The following TSC1 variants were observed in gnomAD, a reference collection of about 807,000 sequenced individuals.
The protein encoded by TSC1 is TSC complex subunit 1, also known as hamartin.
Under a neutral mutation model 124.3 loss-of-function variants are expected in TSC1, and 20 were observed. The observed-to-expected ratio is 0.16, with a 90% CI of 0.11 to 0.23. The LOEUF is 0.23. Ranked by LOEUF, TSC1 falls within the 10% of genes least tolerant of loss-of-function variation. The pLI is 1.00. For synonymous variants in TSC1, 493 were observed against 539.1 expected, an observed-to-expected ratio of 0.91 and a Z score of 1.19; for missense variants, 1,124 against 1,448.5, an observed-to-expected ratio of 0.78 and a Z score of 3.64.
At chr9:132,897,869 T>C (rs1453670446) in intron 20 of TSC1, among the ~76,000 whole-genome samples, 1 of 152,202 alleles carries the variant, frequency 6.6e-6, no homozygotes, top group African/African-American at 2.4e-5. Flanking sequence ...AGCATATTTA[T>C]AAGAGCAAAA....
At chr9:132,917,839 A>C (rs1197311018) in intron 8 of TSC1, among the ~76,000 whole-genome samples, 4 of 152,092 alleles carry the variant, frequency 2.6e-5, no homozygotes, top group Non-Finnish European at 5.9e-5. Context: ...TTAGTCTCAA[A>C]ATGGTCTTTT....
upstream of TSC1, chr9:132,944,742 G>A (rs915812354): frequency 5.0e-6 from 2 of 397,422 alleles, no homozygotes; most frequent in African/African-American, 2.1e-5. Context: ...AGCCCCGCCG[G>A]AAGGAAGAGG....
At position 132,901,670 on chromosome 9, in the gene TSC1, A is replaced by G. The variant is rs754248661; in HGVS notation, c.2421T>C (p.Ile807=). 9 of 1,614,082 alleles carry G rather than the reference A, an allele frequency of 5.6e-6. No homozygotes were observed. Among genetic ancestry groups the G allele is most frequent in the Non-Finnish European group, 7.6e-6 (9 of 1,180,020 alleles). The stretch of plus-strand genomic sequence containing the variant: ...TCTTCAGTTCTATCCGCAGCTCCGC[A>G]ATCATGTTCCTGCAGTCCTCCAGCT... ...QTKLEDCRNM[I]AELRIELKKA... is the part of the protein sequence containing the mutation. The change falls in exon 19 of 23, where the codon ATT becomes ATC. Residue 807 remains isoleucine (I), a synonymous_variant. Transcript: ENST00000298552.
intron 8 of TSC1, 110 bp from the exon 9 acceptor site, chr9:132,912,567 G>T: frequency 1.6e-6 from 2 of 1,281,936 alleles, no homozygotes; most frequent in Non-Finnish European, 2.2e-6. Context: ...AAGAACAAGC[G>T]GGACCATGCC....
intron 2 of TSC1, among the ~76,000 whole-genome samples, chr9:132,932,803 C>T (rs904255044): frequency 2.0e-5 from 3 of 152,292 alleles, no homozygotes; most frequent in African/African-American, 4.8e-5. Context: ...GCACAGCTGA[C>T]GGTCTCGCAG....
Position 132,927,272 on chromosome 9 carries a change from C to T in TSC1, c.139G>A (p.Asp47Asn), listed in dbSNP as rs2132269163. 1 of 1,613,986 alleles carries T rather than the reference C, an allele frequency of 6.2e-7. No individual in the cohort carries two copies. The highest frequency in any genetic ancestry group is 8.5e-7 in the Non-Finnish European group (1 of 1,179,924). ...TGAGAGCTGGTTTCCAGGTAATAAT[C>T]CACCAAGGTGTTTACAAGCATAGGG... ...RGPMLVNTLV[D>N]YYLETSSQPA... Residue 47 changes from aspartate (D) to asparagine (N), a missense_variant, in exon 4 of 23, where the codon GAT (aspartate) becomes AAT (asparagine). Asp to Asn is a conservative substitution (Grantham distance 23). Coordinates refer to ENST00000298552, the MANE Select transcript of TSC1 (RefSeq NM_000368.5).
At chr9:132,908,152 TTATTA>T (rs1363452234) in intron 12 of TSC1, among the ~76,000 whole-genome samples, 3 of 152,134 alleles carry the variant, frequency 2.0e-5, no homozygotes, top group African/African-American at 7.2e-5. Flanking sequence ...CGAGGCATAA[TTATTA>T]TATTAGAAAA....
chr9:132,892,377 T>C lies in TSC1; in HGVS notation c.*3858A>G. On this transcript the variant is annotated 3_prime_UTR_variant, in exon 23 of 23. Coordinates refer to ENST00000298552, the MANE Select transcript of TSC1 (RefSeq NM_000368.5). Reference sequence around the variant, plus strand: ...GATACACAAACATCTTCAGACTGGATACATTTTTCCAATACTTGTTGCGGG... The same window carrying C: ...GATACACAAACATCTTCAGACTGGACACATTTTTCCAATACTTGTTGCGGG... 4.3e-6 allele frequency: 1 copy of C among 233,402 alleles called. No homozygotes were observed. The highest frequency in any genetic ancestry group is 8.5e-6 in the Non-Finnish European group (1 of 118,106). 14.5% of individuals were successfully genotyped at this position (233,402 alleles called of 1,614,324 possible).
intron 2 of TSC1, among the ~76,000 whole-genome samples, chr9:132,930,834 A>G (rs1847162951): frequency 6.6e-6 from 1 of 152,320 alleles, no homozygotes; most frequent in South Asian, 2.1e-4. Context: ...TTGCTGACTC[A>G]TATCTATAAA....
chr9:132,930,982 C>T (rs1346157397), intron 2 of TSC1, among the ~76,000 whole-genome samples: 1 of 152,144 alleles, frequency 6.6e-6, no homozygotes, highest in Admixed American at 6.5e-5. Flanking sequence ...TATAAACACT[C>T]GCTGCATAGT....
chr9:132,924,603 A>T (rs963239646), intron 5 of TSC1, among the ~76,000 whole-genome samples: 2 of 152,222 alleles, frequency 1.3e-5, no homozygotes, highest in African/African-American at 4.8e-5. Context: ...TTATATTCTC[A>T]TCAATCCATT....
At chr9:132,908,215 T>G (rs1845768000) in intron 12 of TSC1, among the ~76,000 whole-genome samples, 1 of 152,214 alleles carries the variant, frequency 6.6e-6, no homozygotes, top group Admixed American at 6.5e-5. Flanking sequence ...GCAAGCCCAT[T>G]ACAAGTTAAT....
intron 1 of TSC1, chr9:132,943,448 G>A (rs1351945742): frequency 6.6e-6 from 1 of 152,168 alleles, no homozygotes; most frequent in Non-Finnish European, 1.5e-5. Context: ...TTGGCTAAAT[G>A]ATAAATTTTA....
Position 132,896,183 on chromosome 9 carries a change from C to T in TSC1, c.*52G>A. Reference sequence around the variant, plus strand: ...AAAGCTTTGAAACGTGCATTCACACCTCCTGTTCTGTGCCAACAATATGCA... The same window carrying T: ...AAAGCTTTGAAACGTGCATTCACACTTCCTGTTCTGTGCCAACAATATGCA... On this transcript the variant is annotated 3_prime_UTR_variant, in exon 23 of 23. Coordinates refer to ENST00000298552, the MANE Select transcript of TSC1 (RefSeq NM_000368.5). The surrounding 1 kb of genome is among the most constrained non-coding windows in gnomAD (Gnocchi z 4.5). The T allele has an allele frequency of 6.2e-7, 1 of 1,612,572 alleles. No individual in the cohort carries two copies. Among genetic ancestry groups the T allele is most frequent in the Non-Finnish European group, 8.5e-7 (1 of 1,179,124 alleles).
At chr9:132,898,535 C>T (rs1397594756) in intron 20 of TSC1, among the ~76,000 whole-genome samples, 1 of 152,242 alleles carries the variant, frequency 6.6e-6, no homozygotes, top group East Asian at 1.9e-4. Context: ...TAGAACGCAA[C>T]TGATTGAAAC....
chr9:132,945,021 G>A (rs895433371), upstream of TSC1, among the ~76,000 whole-genome samples: 1 of 152,114 alleles, frequency 6.6e-6, no homozygotes, highest in Non-Finnish European at 1.5e-5. Flanking sequence ...TGTGGTTGGA[G>A]CGCCCTGCCC....
chr9:132,892,839 A>G lies in TSC1; in HGVS notation c.*3396T>C, dbSNP rs890867761. 1.3e-5 allele frequency: 3 copies of G among 233,176 alleles called. No homozygotes were observed. The highest frequency in any genetic ancestry group is 6.6e-5 in the African/African-American group (3 of 45,348). 14.4% of individuals were successfully genotyped at this position (233,176 alleles called of 1,614,324 possible). On this transcript the variant is annotated 3_prime_UTR_variant, in exon 23 of 23. Coordinates refer to ENST00000298552, the MANE Select transcript of TSC1 (RefSeq NM_000368.5). ...TGAGTCTGAGCCTCTGTGGTCTCAG[A>G]GATCCTTTCATCCCCATGACCATTT...
rs1844912307 is a variant in TSC1, at chr9:132,894,246, C to T, written c.*1989G>A. The T allele has an allele frequency of 4.3e-6, 1 of 232,190 alleles. No homozygotes were observed. Among genetic ancestry groups the T allele is most frequent in the Non-Finnish European group, 8.5e-6 (1 of 117,310 alleles). The allele number at this position is 232,190 out of a possible 1,614,324, so 14.4% of individuals were successfully genotyped here. ...AAATGTTTTTTCTTTTGCACTTGGG[C>T]CTCTTTTCCTTTCCAATTCAGGAAA... On this transcript the variant is annotated 3_prime_UTR_variant, in exon 23 of 23. Transcript: ENST00000298552.
In TSC1 at chr9:132,905,639, C is replaced by T. The variant is rs1171512070; in HGVS notation, c.1939G>A (p.Glu647Lys). The change falls in exon 15 of 23, where the codon GAA (glutamate) becomes AAA (lysine). Residue 647 changes from glutamate (E) to lysine (K), a missense_variant. This residue lies in a region of TSC1 where 321 missense variants were observed against 397.4 expected (regional missense o/e 0.81). Transcript: ENST00000298552. Reference sequence around the variant, plus strand: ...TGCTGTATCAGTCTGTCCAGCACTTCCATTGGGGAGGTAGAGGGCACACCA... The same window carrying T: ...TGCTGTATCAGTCTGTCCAGCACTTTCATTGGGGAGGTAGAGGGCACACCA... ...EDGVPSTSPM[E>K]VLDRLIQQGA... 1 of 1,614,176 alleles carries T rather than the reference C, an allele frequency of 6.2e-7. No individual in the cohort carries two copies. The highest frequency in any genetic ancestry group is 1.3e-5 in the African/African-American group (1 of 75,032).
Sources: gnomAD v4.1 joint callset for allele counts (sites outside exome capture counted in the v4.1 genomes callset) on GRCh38, gnomAD v4.1.1 for gene constraint, gnomAD v4.1.1 regional missense constraint, Gnocchi (gnomAD v3.1) non-coding constraint, MANE v1.5 for transcripts, NCBI Gene and HGNC (gene_info 2026-07-23, HGNC 2026-07-21) for gene names.